The following ZNF536 variants were observed in gnomAD, a reference collection of about 807,000 sequenced individuals.
ZNF536 encodes the protein zinc finger protein 536.
ZNF536 carries 13 observed loss-of-function variants against 84.5 expected under a neutral mutation model. That is an observed-to-expected ratio of 0.15 (90% CI 0.10 to 0.24). The LOEUF (loss-of-function observed/expected upper bound fraction) is 0.24. ZNF536 is among the 10% of genes least tolerant of loss of function. The probability of loss-of-function intolerance (pLI) is 1.00; values close to 1 mark genes in which losing one functional copy is unlikely to be tolerated. For missense variants in ZNF536, 1,536 were observed against 1,747.5 expected (o/e 0.88, Z 2.16); for synonymous variants, 811 against 742.5 (o/e 1.09, Z -1.50).
intron 1 of ZNF536, among the ~76,000 whole-genome samples, chr19:30,377,271 G>A (rs550198198): frequency 2.6e-5 from 4 of 152,222 alleles, no homozygotes; most frequent in South Asian, 2.1e-4. Flanking sequence ...GATGTTACCC[G>A]TGTGGGCCGC....
chr19:30,366,659 C>G (rs529687178), intron 3 of ZNF536, among the ~76,000 whole-genome samples: 1 of 152,058 alleles, frequency 6.6e-6, no homozygotes, highest in South Asian at 2.1e-4. Flanking sequence ...TTTTCCCTTT[C>G]CACTCCCTCT....
intron 4 of ZNF536, among the ~76,000 whole-genome samples, chr19:30,553,423 A>T (rs1355475981): frequency 6.6e-6 from 1 of 152,260 alleles, no homozygotes; most frequent in Non-Finnish European, 1.5e-5. Flanking sequence ...GACAGCAACC[A>T]GATCACCCTT....
In ZNF536 at chr19:30,636,062, G is replaced by A. The variant is rs540133023; in HGVS notation, c.170-74695G>A. Among the ~76,000 whole-genome samples the A allele has an allele frequency of 2.0e-5, 3 of 152,344 alleles. No homozygotes were observed. In the South Asian group the frequency reaches 6.2e-4, roughly 32 times the overall value. On this transcript the variant is annotated intron_variant, in intron 1 of 1. Coordinates refer to the ZNF536 transcript ENST00000592773. ...ATGTTCAGGAAAACACCCAGCCAAA[G>A]GATGTTTTCTCTCCCAGGTACCTCT...
At chr19:30,635,513 T>C (rs2049034959) in intron 1 of ZNF536, among the ~76,000 whole-genome samples, 1 of 152,184 alleles carries the variant, frequency 6.6e-6, no homozygotes, top group Non-Finnish European at 1.5e-5. Context: ...TGTCCCACCC[T>C]GTGCGGATCC....
intron 1 of ZNF536, among the ~76,000 whole-genome samples, chr19:30,422,742 T>TTC (rs1326543201): frequency 6.6e-6 from 1 of 151,878 alleles, no homozygotes; most frequent in South Asian, 2.1e-4. Flanking sequence ...CTTTCTTCTT[T>TTC]TCTCTCTCTC....
At chr19:30,499,878 G>A (rs1266244078) in intron 2 of ZNF536, among the ~76,000 whole-genome samples, 1 of 152,110 alleles carries the variant, frequency 6.6e-6, no homozygotes, top group African/African-American at 2.4e-5. Context: ...CAGGGGCAAG[G>A]GAGGGATGGT....
intron 1 of ZNF536, among the ~76,000 whole-genome samples, chr19:30,252,635 G>C (rs563254547): frequency 6.6e-6 from 1 of 152,300 alleles, no homozygotes; most frequent in African/African-American, 2.4e-5. Context: ...TGTGCCTGCG[G>C]CCATCAGCAA....
intron 1 of ZNF536, among the ~76,000 whole-genome samples, chr19:30,608,517 G>A (rs2047976321): frequency 6.6e-6 from 1 of 152,102 alleles, no homozygotes; most frequent in South Asian, 2.1e-4. Context: ...CCTACCTGAA[G>A]GTTTTATGAG....
intron 2 of ZNF536, among the ~76,000 whole-genome samples, chr19:30,474,626 A>G (rs1320059299): frequency 6.6e-6 from 1 of 152,178 alleles, no homozygotes; most frequent in Non-Finnish European, 1.5e-5. Flanking sequence ...GTGGTACATT[A>G]AAGCAGTTTG....
At chr19:30,654,499 T>C (rs1034171996) in intron 1 of ZNF536, among the ~76,000 whole-genome samples, 2 of 151,624 alleles carry the variant, frequency 1.3e-5, no homozygotes, top group African/African-American at 4.9e-5. Flanking sequence ...TAAGTCAACA[T>C]TCGTGGTTCC....
At chr19:30,466,171 A>C (rs10425837) in intron 2 of ZNF536, among the ~76,000 whole-genome samples, 63,620 of 150,618 alleles carry the variant, frequency 0.42, 16,469 homozygotes, top group African/African-American at 0.72. Flanking sequence ...TGCAGTGAGC[A>C]ATGATCGTTC....
At chr19:30,693,100 A>G (rs2051485383) in intron 1 of ZNF536, among the ~76,000 whole-genome samples, 1 of 152,096 alleles carries the variant, frequency 6.6e-6, no homozygotes. Context: ...GTGCTTGCAC[A>G]TGGTCGCTTG....
intron 1 of ZNF536, among the ~76,000 whole-genome samples, chr19:30,262,553 G>A (rs1321496455): frequency 6.6e-6 from 1 of 152,216 alleles, no homozygotes; most frequent in Non-Finnish European, 1.5e-5. Context: ...CTGCCTCTGC[G>A]TGTGCTGCCC....
In ZNF536 at chr19:30,458,459, T is replaced by TTTTG. The variant is rs1476318357; in HGVS notation, c.2170+12730_2170+12731insGTTT. Among the ~76,000 whole-genome samples, 19 of 146,278 alleles carry TTTTG rather than the reference T, an allele frequency of 1.3e-4. No homozygotes were observed. The South Asian group carries it at 2.7e-3, about 20-fold the overall frequency. ...TCAATTTCCTGCTGTTTTTTTTTTT[T>TTTTG]TTTTTTTTTTTGACCGAGTTTCACT... On this transcript the variant is annotated intron_variant, in intron 2 of 4. Coordinates refer to ENST00000355537, the MANE Select transcript of ZNF536 (RefSeq NM_014717.3).
At chr19:30,277,881 C>T (rs562285726) in intron 1 of ZNF536, among the ~76,000 whole-genome samples, 8 of 152,346 alleles carry the variant, frequency 5.3e-5, no homozygotes, top group Non-Finnish European at 8.8e-5. Context: ...GTGACCATTT[C>T]TCCGTTGGTA....
At chr19:30,466,181 C>A (rs554371716) in intron 2 of ZNF536, among the ~76,000 whole-genome samples, 10 of 151,546 alleles carry the variant, frequency 6.6e-5, no homozygotes, top group Admixed American at 3.3e-4. Context: ...AATGATCGTT[C>A]CACTGCATTC....
intron 2 of ZNF536, among the ~76,000 whole-genome samples, chr19:30,461,352 A>G (rs1423978774): frequency 2.6e-5 from 4 of 152,194 alleles, no homozygotes; most frequent in African/African-American, 9.7e-5. Flanking sequence ...GCTCACCAGC[A>G]AACTCGGCTG....
intron 1 of ZNF536, among the ~76,000 whole-genome samples, chr19:30,231,491 G>T (rs917085364): frequency 2.0e-5 from 3 of 152,254 alleles, no homozygotes; most frequent in Admixed American, 2.0e-4. Flanking sequence ...CCAGGGCAGG[G>T]TCTGGGCTGA....
At chr19:30,405,800 TAG>T (rs1433875666) in intron 1 of ZNF536, among the ~76,000 whole-genome samples, 1 of 151,056 alleles carries the variant, frequency 6.6e-6, no homozygotes, top group Non-Finnish European at 1.5e-5. Context: ...TTTTTTGAGA[TAG>T]AGTCTCACTC....
Sources: gnomAD v4.1 joint callset for allele counts (sites outside exome capture counted in the v4.1 genomes callset) on GRCh38, gnomAD v4.1.1 for gene constraint, MANE v1.5 for transcripts, NCBI Gene and HGNC (gene_info 2026-07-23, HGNC 2026-07-21) for gene names.